The following DPYSL2 variants were observed in gnomAD, a reference collection of about 807,000 sequenced individuals.
DPYSL2 encodes dihydropyrimidinase like 2.
In DPYSL2, 13 loss-of-function variants were observed where a neutral mutation model predicts 69.9. The ratio of observed to expected loss-of-function variants is 0.19; its 90% CI spans 0.12 to 0.30. DPYSL2 has a LOEUF of 0.30. Among genes scored for constraint, DPYSL2 ranks in the 10% least tolerant of loss-of-function variants. DPYSL2 has a pLI of 1.00. For missense variants in DPYSL2, 587 were observed against 918.9 expected (o/e 0.64, Z 4.67); for synonymous variants, 326 against 359.1 (o/e 0.91, Z 1.04).
At position 26,517,718 on chromosome 8, in the gene DPYSL2, A is replaced by G. The variant is rs115053211; in HGVS notation, c.354+3039A>G. On this transcript the variant is annotated intron_variant, in intron 1 of 13. Transcript: ENST00000521913. This position sits in a 1 kb window ranked among gnomAD's most constrained non-coding sequence, Gnocchi z 4.2. ...AAAGGGGCCTCTAGGCCCTTTTCCCAGCAGCAAACAACCTATGCAGGCTGG... is the reference window on the plus strand; with the variant it reads ...AAAGGGGCCTCTAGGCCCTTTTCCCGGCAGCAAACAACCTATGCAGGCTGG... 6.1e-3 allele frequency among the ~76,000 whole-genome samples: 924 copies of G among 152,306 alleles called. 11 individuals are homozygous for G. The highest frequency in any genetic ancestry group is 0.021 in the African/African-American group (865 of 41,566).
Position 26,614,271 on chromosome 8 carries a change from A to G in DPYSL2, c.629-9872A>G, listed in dbSNP as rs546951300. Among the ~76,000 whole-genome samples, 8 of 152,294 alleles carry G rather than the reference A, an allele frequency of 5.3e-5. No homozygotes were observed. The highest frequency in any genetic ancestry group is 1.7e-4 in the African/African-American group (7 of 41,566). On this transcript the variant is annotated intron_variant, in intron 3 of 13. Transcript: ENST00000521913. The surrounding 1 kb of genome is among the most constrained non-coding windows in gnomAD (Gnocchi z 4.9). The stretch of plus-strand genomic sequence containing the variant: ...CAGACAGGAAGGGAACAGAACTGGG[A>G]TGTGGCAGGGACAGGTTCCAGGCAC...
rs1287470126 is a variant in DPYSL2 at position 26,614,109 on chromosome 8, A to G, written c.629-10034A>G. 1.3e-5 allele frequency among the ~76,000 whole-genome samples: 2 copies of G among 152,212 alleles called. No homozygotes were observed. On this transcript the variant is annotated intron_variant, in intron 3 of 13. Coordinates refer to ENST00000521913, the MANE Select transcript of DPYSL2 (RefSeq NM_001197293.3). The surrounding 1 kb of genome is among the most constrained non-coding windows in gnomAD (Gnocchi z 4.9). ...GCACCACAGCATTCCGGCTTGGGTGACAGAACCAGACCCTGTCTCAAAAAA... is the reference window on the plus strand; with the variant it reads ...GCACCACAGCATTCCGGCTTGGGTGGCAGAACCAGACCCTGTCTCAAAAAA...
At position 26,586,923 on chromosome 8, in the gene DPYSL2, A is replaced by G. The variant is rs1308676717; in HGVS notation, c.628+2940A>G. ...TCAGAGGGGGCAGTGTATGGTTAGCATTGTGACCCCCAAATGCCATTGCTT... is the reference window on the plus strand; with the variant it reads ...TCAGAGGGGGCAGTGTATGGTTAGCGTTGTGACCCCCAAATGCCATTGCTT... On this transcript the variant is annotated intron_variant, in intron 3 of 13. Coordinates refer to ENST00000521913, the MANE Select transcript of DPYSL2 (RefSeq NM_001197293.3). This position sits in a 1 kb window ranked among gnomAD's most constrained non-coding sequence, Gnocchi z 4.7. 6.6e-6 allele frequency among the ~76,000 whole-genome samples: 1 copy of G among 152,228 alleles called. No individual in the cohort carries two copies. The highest frequency in any genetic ancestry group is 1.5e-5 in the Non-Finnish European group (1 of 68,042).
rs1404543783 is a variant in DPYSL2, at chr8:26,564,216, G to A, written c.355-17753G>A. ...TGCCCAAGCTTTTCTAATGGAGTCA[G>A]GCGAAGAGGCCAACTGTAGTGGGTT... On this transcript the variant is annotated intron_variant, in intron 1 of 13. Transcript: ENST00000521913. The surrounding 1 kb of genome is among the most constrained non-coding windows in gnomAD (Gnocchi z 4.8). 2.0e-5 allele frequency among the ~76,000 whole-genome samples: 3 copies of A among 152,232 alleles called. No homozygotes were observed. The highest frequency in any genetic ancestry group is 6.5e-5 in the Admixed American group (1 of 15,288).
At chr8:26,629,122 A>T (rs1347641612) in intron 7 of DPYSL2, among the ~76,000 whole-genome samples, 1 of 152,200 alleles carries the variant, frequency 6.6e-6, no homozygotes, top group Non-Finnish European at 1.5e-5. Flanking sequence ...CTTTGCACAC[A>T]GTCAGGGTCC....
At chr8:26,577,112 G>C (rs1186625405) in intron 1 of DPYSL2, 1 of 441,820 alleles carries the variant, frequency 2.3e-6, no homozygotes, top group African/African-American at 2.1e-5. Flanking sequence ...GCCTTCCCCG[G>C]ATGCCTCCTT....
In DPYSL2 at chr8:26,641,303, C is replaced by G. The variant is rs1268380597; in HGVS notation, c.1127-2136C>G. On this transcript the variant is annotated intron_variant, in intron 8 of 13. Transcript: ENST00000521913. This position sits in a 1 kb window ranked among gnomAD's most constrained non-coding sequence, Gnocchi z 4.1. ...CTTCATGTGGACAAAAGCAGGAAGC[C>G]TTTAGGGCCACGCATCTCTTGTTTT... 3.3e-5 allele frequency among the ~76,000 whole-genome samples: 5 copies of G among 152,214 alleles called. No homozygotes were observed. The highest frequency in any genetic ancestry group is 1.2e-4 in the African/African-American group (5 of 41,446).
chr8:26,578,011 CTCTCTCTT>C (rs1219093530), intron 1 of DPYSL2: 1 of 1,384,622 alleles, frequency 7.2e-7, no homozygotes, highest in African/African-American at 1.5e-5. Flanking sequence ...CTCTCTCTCT[CTCTCTCTT>C]TTTTTTCCGC....
chr8:26,590,608 C>T (rs36063450), intron 3 of DPYSL2, among the ~76,000 whole-genome samples: 13,402 of 64,236 alleles, frequency 0.21, 1,017 homozygotes, highest in East Asian at 0.47. Context: ...GCGTGAATCT[C>T]GGCCTTGAAC....
intron 3 of DPYSL2, among the ~76,000 whole-genome samples, chr8:26,601,002 A>G (rs1457888347): frequency 6.6e-6 from 1 of 152,198 alleles, no homozygotes; most frequent in Non-Finnish European, 1.5e-5. Flanking sequence ...CTGACAGCAC[A>G]CAGCCTGCGG....
At chr8:26,542,380 CTTTA>C (rs1800699658) in intron 1 of DPYSL2, among the ~76,000 whole-genome samples, 1 of 150,914 alleles carries the variant, frequency 6.6e-6, no homozygotes, top group Non-Finnish European at 1.5e-5. Flanking sequence ...AATAGATACA[CTTTA>C]TTTATTGTTT....
In DPYSL2 at chr8:26,643,203, T is replaced by G; in HGVS notation, c.1127-236T>G. The G allele has an allele frequency of 2.2e-6, 1 of 446,790 alleles. No homozygotes were observed. The highest frequency in any genetic ancestry group is 4.7e-5 in the South Asian group (1 of 21,288). 27.7% of individuals were successfully genotyped at this position (446,790 alleles called of 1,614,324 possible). A position where few individuals can be genotyped will look rare whatever the true frequency, so the allele number is the denominator to read the frequency against. ...GATGTCTGGGATCCTATAGGGAGGG[T>G]GTGTTGTTTGAAGAGCAGGGGCTGA... On this transcript the variant is annotated intron_variant, in intron 8 of 13. Transcript: ENST00000521913. The surrounding 1 kb of genome is among the most constrained non-coding windows in gnomAD (Gnocchi z 6.5).
In DPYSL2 at chr8:26,647,544, T is replaced by A; in HGVS notation, c.1426-86T>A. 1 of 1,392,074 alleles carries A rather than the reference T, an allele frequency of 7.2e-7. No homozygotes were observed. The highest frequency in any genetic ancestry group is 1.4e-5 in the South Asian group (1 of 73,100). The allele number at this position is 1,392,074 out of a possible 1,614,324, so 86.2% of individuals were successfully genotyped here. A position where few individuals can be genotyped will look rare whatever the true frequency, so the allele number is the denominator to read the frequency against. On this transcript the variant is annotated intron_variant, in intron 10 of 13. Transcript: ENST00000521913. This position sits in a 1 kb window ranked among gnomAD's most constrained non-coding sequence, Gnocchi z 5.1. The stretch of plus-strand genomic sequence containing the variant: ...CTTGACATCCATCTAAGCTGTCGTG[T>A]GTATCAATAGTTTGTTATTGAAAAG...
intron 8 of DPYSL2, chr8:26,637,586 A>G (rs981342583): frequency 2.6e-5 from 4 of 152,214 alleles, no homozygotes; most frequent in African/African-American, 9.7e-5. Context: ...AAGAATCCTG[A>G]TTGAAACAGT....
rs1802608105 is a variant in DPYSL2 at position 26,626,182 on chromosome 8, G to T, written c.794-435G>T. Reference sequence around the variant, plus strand: ...GTCAGGGTGTCTTTCCTTTTTAAAGGCTGAATAATATTCCATTGTATGGAT... The same window carrying T: ...GTCAGGGTGTCTTTCCTTTTTAAAGTCTGAATAATATTCCATTGTATGGAT... On this transcript the variant is annotated intron_variant, in intron 4 of 13. Transcript: ENST00000521913. The surrounding 1 kb of genome is among the most constrained non-coding windows in gnomAD (Gnocchi z 4.3). Among the ~76,000 whole-genome samples the T allele has an allele frequency of 1.3e-5, 2 of 152,148 alleles. No homozygotes were observed. Among genetic ancestry groups the T allele is most frequent in the South Asian group, 4.1e-4 (2 of 4,824 alleles).
intron 1 of DPYSL2, among the ~76,000 whole-genome samples, chr8:26,548,960 G>A (rs1358972433): frequency 2.6e-5 from 4 of 152,028 alleles, no homozygotes; most frequent in African/African-American, 7.2e-5. Context: ...AAGCTGAGGC[G>A]GGCAGATCAT....
intron 1 of DPYSL2, among the ~76,000 whole-genome samples, chr8:26,526,091 GT>G: frequency 6.6e-6 from 1 of 152,002 alleles, no homozygotes; most frequent in African/African-American, 2.4e-5. Context: ...AGACTCTGGG[GT>G]TTATTTTATT....
rs1230376136 is a variant in DPYSL2 at position 26,586,893 on chromosome 8, AG to A, written c.628+2911del. 2.0e-5 allele frequency among the ~76,000 whole-genome samples: 3 copies of A among 152,226 alleles called. No homozygotes were observed. Among genetic ancestry groups the A allele is most frequent in the Non-Finnish European group, 4.4e-5 (3 of 68,048 alleles). ...CAATGAGCGAACCTCAAGGAATAAAAGTCATCAGAGGGGGCAGTGTATGGTT... is the reference window on the plus strand; with the variant it reads ...CAATGAGCGAACCTCAAGGAATAAAATCATCAGAGGGGGCAGTGTATGGTT... On this transcript the variant is annotated intron_variant, in intron 3 of 13. Transcript: ENST00000521913. This position sits in a 1 kb window ranked among gnomAD's most constrained non-coding sequence, Gnocchi z 4.7.
At chr8:26,606,308 A>G (rs1197057727) in intron 3 of DPYSL2, among the ~76,000 whole-genome samples, 1 of 152,210 alleles carries the variant, frequency 6.6e-6, no homozygotes, top group Non-Finnish European at 1.5e-5. Context: ...GATGGATTAA[A>G]GAATTACATT....
Sources: gnomAD v4.1 joint callset for allele counts (sites outside exome capture counted in the v4.1 genomes callset) on GRCh38, gnomAD v4.1.1 for gene constraint, Gnocchi (gnomAD v3.1) non-coding constraint, MANE v1.5 for transcripts, NCBI Gene and HGNC (gene_info 2026-07-23, HGNC 2026-07-21) for gene names.